ATRNL1: variants seen among roughly 807,000 people sequenced by gnomAD.
The protein encoded by ATRNL1 is attractin-like protein 1.
ATRNL1 carries 95 observed loss-of-function variants against 182.7 expected under a neutral mutation model. The observed-to-expected ratio is 0.52, with a 90% confidence interval of 0.44 to 0.62. ATRNL1 has a LOEUF of 0.62. Among genes scored for constraint, ATRNL1 ranks in the 20% least tolerant of loss-of-function variants. The probability of loss-of-function intolerance (pLI) is 0.00; values close to 1 mark genes in which losing one functional copy is unlikely to be tolerated. For synonymous variants in ATRNL1, 576 were observed against 568.3 expected, an observed-to-expected ratio of 1.01 and a Z score of -0.19; for missense variants, 1,471 against 1,679.5, an observed-to-expected ratio of 0.88 and a Z score of 2.17.
chr10:115,265,402 C>A, intron 11 of ATRNL1, 125 bp downstream of exon 11: 1 of 554,996 alleles, frequency 1.8e-6, no homozygotes, highest in East Asian at 2.9e-5. Flanking sequence ...TGCATCTCTT[C>A]TCTACCATAG....
At chr10:115,914,211 A>G (rs1036837414) in intron 28 of ATRNL1, among the ~76,000 whole-genome samples, 2 of 152,178 alleles carry the variant, frequency 1.3e-5, no homozygotes, top group Middle Eastern at 3.2e-3. Context: ...CTCCCCAGCC[A>G]TGTAGAACTG....
intron 26 of ATRNL1, among the ~76,000 whole-genome samples, chr10:115,663,579 TG>T: frequency 6.6e-6 from 1 of 152,068 alleles, no homozygotes; most frequent in Non-Finnish European, 1.5e-5. Context: ...CCAAATTGTA[TG>T]ATATACATTA....
chr10:115,768,222 A>T (rs1230969323), intron 27 of ATRNL1, among the ~76,000 whole-genome samples: 2 of 152,142 alleles, frequency 1.3e-5, no homozygotes, highest in Non-Finnish European at 2.9e-5. Flanking sequence ...AGTAACATAT[A>T]TGTTGCTAAT....
At chr10:115,213,567 G>A (rs537177468) in intron 8 of ATRNL1, among the ~76,000 whole-genome samples, 9 of 152,122 alleles carry the variant, frequency 5.9e-5, no homozygotes, top group South Asian at 2.1e-4. Flanking sequence ...GTCTGCCTTC[G>A]TCTTTACACT....
chr10:115,100,487 G>GT (rs1554864356), intron 1 of ATRNL1, among the ~76,000 whole-genome samples: 2 of 152,068 alleles, frequency 1.3e-5, no homozygotes, highest in African/African-American at 4.8e-5. Context: ...ATAGGTATTT[G>GT]TTTTAGCACT....
At chr10:115,557,948 G>A (rs189144682) in intron 26 of ATRNL1, among the ~76,000 whole-genome samples, 44 of 152,104 alleles carry the variant, frequency 2.9e-4, no homozygotes, top group African/African-American at 8.4e-4. Context: ...GGGAGGCTGA[G>A]GCAGGAGAAT....
intron 26 of ATRNL1, among the ~76,000 whole-genome samples, chr10:115,662,004 C>A (rs1486562872): frequency 6.7e-6 from 1 of 150,240 alleles, no homozygotes; most frequent in Admixed American, 6.7e-5. Context: ...GTTCAATTCC[C>A]ACCTATGAGT....
intron 19 of ATRNL1, among the ~76,000 whole-genome samples, chr10:115,369,193 A>C (rs1030901744): frequency 1.3e-5 from 2 of 151,368 alleles, no homozygotes; most frequent in African/African-American, 4.9e-5. Flanking sequence ...ATATATTATA[A>C]ATACTATGTA....
At chr10:115,883,859 C>T (rs1951883519) in intron 28 of ATRNL1, among the ~76,000 whole-genome samples, 1 of 152,198 alleles carries the variant, frequency 6.6e-6, no homozygotes, top group Admixed American at 6.5e-5. Context: ...TCATCAGATG[C>T]AGAGGCAGTC....
At chr10:115,596,016 A>G (rs1388307844) in intron 26 of ATRNL1, among the ~76,000 whole-genome samples, 1 of 152,128 alleles carries the variant, frequency 6.6e-6, no homozygotes, top group African/African-American at 2.4e-5. Flanking sequence ...GAAAACAGGT[A>G]TGAGCTATAG....
chr10:115,764,777 A>G (rs552123883), intron 27 of ATRNL1, among the ~76,000 whole-genome samples: 44 of 152,106 alleles, frequency 2.9e-4, no homozygotes, highest in African/African-American at 5.8e-4. Flanking sequence ...CATTCAAGCA[A>G]TTCTCCCTGC....
intron 26 of ATRNL1, among the ~76,000 whole-genome samples, chr10:115,582,969 G>A (rs1855230569): frequency 6.8e-6 from 1 of 147,056 alleles, no homozygotes; most frequent in Non-Finnish European, 1.5e-5. Context: ...CATATGGCTA[G>A]CCAGTTTTCC....
intron 25 of ATRNL1, among the ~76,000 whole-genome samples, chr10:115,523,763 A>G (rs1473521665): frequency 6.6e-6 from 1 of 152,174 alleles, no homozygotes; most frequent in African/African-American, 2.4e-5. Flanking sequence ...ACCAATTTCT[A>G]AGATGTTCCA....
intron 14 of ATRNL1, among the ~76,000 whole-genome samples, chr10:115,282,088 T>C (rs898879140): frequency 5.5e-5 from 8 of 145,820 alleles, no homozygotes; most frequent in Non-Finnish European, 1.2e-4. Flanking sequence ...AAATTATATA[T>C]CTAGTAATTT....
chr10:115,292,184 G>A (rs1458252952), intron 15 of ATRNL1, among the ~76,000 whole-genome samples: 7 of 151,904 alleles, frequency 4.6e-5, no homozygotes, highest in African/African-American at 1.7e-4. Flanking sequence ...TTATGTTTCT[G>A]TGTTATTTTA....
chr10:115,932,185 G>C (rs542783697), intron 28 of ATRNL1, among the ~76,000 whole-genome samples: 1 of 152,264 alleles, frequency 6.6e-6, no homozygotes, highest in Admixed American at 6.5e-5. Context: ...TCTCAAAATT[G>C]CTTCAGAGAA....
rs116524095 is a variant in ATRNL1, at chr10:115,934,728, A to G, written c.4019-9930A>G. On this transcript the variant is annotated intron_variant, in intron 28 of 28. Coordinates refer to ENST00000355044, the MANE Select transcript of ATRNL1 (RefSeq NM_207303.4). ...GCTACACTAGAGGTGTCTCTTTGAA[A>G]TAAAAATCTGATTATGCCTCTCTAC... Among the ~76,000 whole-genome samples the G allele has an allele frequency of 7.5e-3, 1,142 of 152,260 alleles. 12 individuals carry two copies. The highest frequency in any genetic ancestry group is 0.026 in the African/African-American group (1,083 of 41,542).
chr10:115,703,712 T>G (rs1226972873), intron 26 of ATRNL1, among the ~76,000 whole-genome samples: 1 of 151,716 alleles, frequency 6.6e-6, no homozygotes, highest in Non-Finnish European at 1.5e-5. Flanking sequence ...TTTGTATATT[T>G]AAAAATATAT....
chr10:115,263,504 A>ACAAGTTATTTACC (rs1314783115), intron 10 of ATRNL1, among the ~76,000 whole-genome samples: 6 of 151,844 alleles, frequency 4.0e-5, no homozygotes, highest in Non-Finnish European at 7.4e-5. Context: ...TGGACCTCAT[A>ACAAGTTATTTACC]CAAGTTATTT....
Sources: allele counts gnomAD v4.1 joint callset (sites outside exome capture counted in the v4.1 genomes callset), GRCh38; gene constraint gnomAD v4.1.1; transcripts MANE v1.5; gene names NCBI Gene and HGNC (gene_info 2026-07-23, HGNC 2026-07-21).